Variants in PPP2R2B observed in about 807,000 individuals in gnomAD.
PPP2R2B encodes protein phosphatase 2 regulatory subunit Bbeta.
In PPP2R2B, 5 loss-of-function variants were observed where a neutral mutation model predicts 46.0. The ratio of observed to expected loss-of-function variants is 0.11; its 90% confidence interval spans 0.06 to 0.23. The LOEUF (loss-of-function observed/expected upper bound fraction) is 0.23. PPP2R2B is among the 10% of genes least tolerant of loss of function. The pLI, the probability that PPP2R2B is intolerant of heterozygous loss-of-function variation, is 1.00. For synonymous variants in PPP2R2B, 215 were observed against 206.7 expected, an observed-to-expected ratio of 1.04 and a Z score of -0.34; for missense variants, 367 against 575.0, an observed-to-expected ratio of 0.64 and a Z score of 3.70.
At chr5:146,649,656 G>A (rs1323026189) in intron 6 of PPP2R2B, among the ~76,000 whole-genome samples, 1 of 152,032 alleles carries the variant, frequency 6.6e-6, no homozygotes, top group African/African-American at 2.4e-5. Context: ...TGCCACGTTG[G>A]CTAAGCTGGT....
intron 2 of PPP2R2B, among the ~76,000 whole-genome samples, chr5:146,844,064 C>T (rs1759830424): frequency 6.6e-6 from 1 of 151,884 alleles, no homozygotes; most frequent in South Asian, 2.1e-4. Context: ...TACAGTCCCA[C>T]CAACAGTGTA....
At chr5:147,071,254 T>C (rs1473949882) in intron 2 of PPP2R2B, among the ~76,000 whole-genome samples, 1 of 152,138 alleles carries the variant, frequency 6.6e-6, no homozygotes, top group African/African-American at 2.4e-5. Flanking sequence ...ACCTAGGGAA[T>C]TTATCAGCTC....
chr5:146,718,116 G>A (rs867553315), intron 2 of PPP2R2B, among the ~76,000 whole-genome samples: 2 of 152,014 alleles, frequency 1.3e-5, no homozygotes, highest in Non-Finnish European at 2.9e-5. Context: ...AAGCACAGCT[G>A]ATTTTTTTTT....
chr5:146,789,925 CAG>C (rs1241867783), intron 2 of PPP2R2B, among the ~76,000 whole-genome samples: 3 of 152,124 alleles, frequency 2.0e-5, no homozygotes, highest in African/African-American at 7.2e-5. Context: ...ATCAGGGAGA[CAG>C]AGAACATAAC....
At chr5:146,770,692 G>C (rs1754797766) in intron 2 of PPP2R2B, among the ~76,000 whole-genome samples, 1 of 152,182 alleles carries the variant, frequency 6.6e-6, no homozygotes, top group African/African-American at 2.4e-5. Flanking sequence ...TCTGCTATGT[G>C]GGTTGGGAGG....
intron 2 of PPP2R2B, among the ~76,000 whole-genome samples, chr5:147,072,534 A>G (rs990138901): frequency 6.6e-5 from 10 of 152,150 alleles, no homozygotes; most frequent in African/African-American, 2.4e-4. Context: ...TGGTGTGTAA[A>G]TGGATATGTT....
chr5:146,591,949 G>A (rs1770704057), intron 9 of PPP2R2B: 1 of 267,058 alleles, frequency 3.7e-6, no homozygotes, highest in South Asian at 4.1e-5. Context: ...TATATAGTAG[G>A]TGCCTAATAA....
intron 2 of PPP2R2B, chr5:146,856,600 G>T (rs1473661996): frequency 3.2e-6 from 5 of 1,578,702 alleles, no homozygotes; most frequent in Non-Finnish European, 4.4e-6. Flanking sequence ...CAAACATGGG[G>T]TTCAGATCCA....
At chr5:146,868,375 G>A (rs904924545) in intron 2 of PPP2R2B, among the ~76,000 whole-genome samples, 2 of 152,244 alleles carry the variant, frequency 1.3e-5, no homozygotes, top group South Asian at 2.1e-4. Flanking sequence ...GGAATTTCTG[G>A]GGTCATTTAA....
chr5:146,970,171 G>A (rs998795074), intron 1 of PPP2R2B, among the ~76,000 whole-genome samples: 1 of 152,120 alleles, frequency 6.6e-6, no homozygotes, highest in African/African-American at 2.4e-5. Flanking sequence ...GGAAACTGAG[G>A]CATAGAGAGA....
intron 2 of PPP2R2B, among the ~76,000 whole-genome samples, chr5:147,068,942 A>G (rs1400817391): frequency 6.6e-6 from 1 of 152,226 alleles, no homozygotes; most frequent in Non-Finnish European, 1.5e-5. Context: ...TAATCAGAAA[A>G]ATCACTCATG....
chr5:147,016,362 G>A lies in PPP2R2B; in HGVS notation c.79+39303C>T, dbSNP rs764920585. Reference sequence around the variant, plus strand: ...AAAAAAAAAGATGATAGCAGTTTTGGGGGGGACAATCATCTTCTAACAAGT... The same window carrying A: ...AAAAAAAAAGATGATAGCAGTTTTGAGGGGGACAATCATCTTCTAACAAGT... On this transcript the variant is annotated intron_variant, in intron 1 of 8. Transcript: ENST00000336640. 2.6e-4 allele frequency among the ~76,000 whole-genome samples: 39 copies of A among 151,378 alleles called. 1 individual carries two copies. The highest frequency in any genetic ancestry group is 4.6e-4 in the Non-Finnish European group (31 of 67,936).
chr5:146,591,575 T>C (rs1186469432), intron 9 of PPP2R2B, among the ~76,000 whole-genome samples: 2 of 151,320 alleles, frequency 1.3e-5, no homozygotes, highest in African/African-American at 2.4e-5. Context: ...CTCTGGGGCA[T>C]AAGTATTCAG....
intron 2 of PPP2R2B, among the ~76,000 whole-genome samples, chr5:146,813,692 T>C (rs1297968432): frequency 1.3e-5 from 2 of 152,200 alleles, no homozygotes; most frequent in Non-Finnish European, 2.9e-5. Context: ...TCTGCTCCGC[T>C]GCTATTTCAG....
chr5:146,801,732 G>A (rs1756879782), intron 2 of PPP2R2B, among the ~76,000 whole-genome samples: 2 of 152,234 alleles, frequency 1.3e-5, no homozygotes, highest in Admixed American at 1.3e-4. Context: ...AGGGTGCTAT[G>A]AGAGTGAAAG....
chr5:146,725,771 C>T (rs1369074908), intron 2 of PPP2R2B, among the ~76,000 whole-genome samples: 1 of 152,202 alleles, frequency 6.6e-6, no homozygotes, highest in African/African-American at 2.4e-5. Context: ...CCATAGCACC[C>T]TGCATTTCCT....
At chr5:146,698,490 C>G (rs1324799730) in intron 3 of PPP2R2B, among the ~76,000 whole-genome samples, 1 of 151,548 alleles carries the variant, frequency 6.6e-6, no homozygotes, top group African/African-American at 2.4e-5. Context: ...TGCATCCTAA[C>G]AGATGCTGCA....
At chr5:146,906,701 G>A (rs888531643) in intron 1 of PPP2R2B, among the ~76,000 whole-genome samples, 4 of 152,076 alleles carry the variant, frequency 2.6e-5, no homozygotes, top group Non-Finnish European at 4.4e-5. Context: ...CTCAATATAT[G>A]TATCTTTCTT....
intron 1 of PPP2R2B, among the ~76,000 whole-genome samples, chr5:147,039,409 G>T (rs1351833919): frequency 6.6e-6 from 1 of 152,180 alleles, no homozygotes; most frequent in Non-Finnish European, 1.5e-5. Context: ...AAACACTGAA[G>T]AAATGAATGC....
Sources: allele counts gnomAD v4.1 joint callset (sites outside exome capture counted in the v4.1 genomes callset), GRCh38; gene constraint gnomAD v4.1.1; transcripts MANE v1.5; gene names NCBI Gene and HGNC (gene_info 2026-07-23, HGNC 2026-07-21).